Variants in CBLB observed in about 807,000 individuals in gnomAD.
CBLB encodes E3 ubiquitin-protein ligase CBL-B.
In CBLB, 31 loss-of-function variants were observed where a neutral mutation model predicts 104.9. The observed-to-expected ratio is 0.30, with a 90% CI of 0.22 to 0.40. CBLB has a LOEUF of 0.40. Among genes scored for constraint, CBLB ranks in the 10% least tolerant of loss-of-function variants. CBLB has a pLI of 1.00. For missense variants in CBLB, 1,062 were observed against 1,214.6 expected, an observed-to-expected ratio of 0.87 and a Z score of 1.87; for synonymous variants, 440 against 422.6, an observed-to-expected ratio of 1.04 and a Z score of -0.51.
Position 105,659,101 on chromosome 3 carries a change from T to C in CBLB, c.2818A>G (p.Met940Val), listed in dbSNP as rs2063530967. The C allele has an allele frequency of 1.2e-6, 2 of 1,613,936 alleles. No homozygotes were observed. Among genetic ancestry groups the C allele is most frequent in the Non-Finnish European group, 1.7e-6 (2 of 1,179,952 alleles). ...ENVDAKIAKL[M>V]GEGYAFEEVK... ...TCTTCAAAGGCATAACCCTCTCCCA[T>C]GAGTTTTGCAATTTTTGCATCGACA... is the stretch of plus-strand genomic sequence containing the variant. The change falls in exon 19 of 19, where the codon ATG becomes GTG. Residue 940 changes from methionine (M) to valine (V), a missense_variant. Transcript: ENST00000394030.
chr3:105,859,799 T>C (rs1055185224), intron 2 of CBLB, among the ~76,000 whole-genome samples: 7 of 152,000 alleles, frequency 4.6e-5, no homozygotes, highest in African/African-American at 1.4e-4. Flanking sequence ...TTGGGTTCTT[T>C]CCATTTTAAT....
intron 3 of CBLB, among the ~76,000 whole-genome samples, chr3:105,844,328 G>T (rs567750652): frequency 1.3e-5 from 2 of 152,182 alleles, no homozygotes; most frequent in South Asian, 4.1e-4. Context: ...CGTTACCGCA[G>T]CCCGAAGAAA....
intron 18 of CBLB, among the ~76,000 whole-genome samples, chr3:105,666,210 T>TA (rs2064439432): frequency 1.3e-5 from 2 of 152,102 alleles, no homozygotes; most frequent in African/African-American, 2.4e-5. Context: ...TCAAAACTCT[T>TA]AGACTACTGA....
intron 2 of CBLB, among the ~76,000 whole-genome samples, chr3:105,855,137 A>C (rs1458928611): frequency 1.3e-5 from 2 of 152,234 alleles, no homozygotes; most frequent in East Asian, 3.8e-4. Context: ...AACTGAAATA[A>C]GGCAGGCAAA....
At chr3:105,868,086 C>T in intron 1 of CBLB, 1 of 534,650 alleles carries the variant, frequency 1.9e-6, no homozygotes, top group Non-Finnish European at 3.0e-6. Context: ...TTATCCTACA[C>T]AAACGTAAGG....
intron 3 of CBLB, among the ~76,000 whole-genome samples, chr3:105,816,610 AG>A (rs1350943906): frequency 2.0e-5 from 3 of 152,234 alleles, no homozygotes; most frequent in African/African-American, 7.2e-5. Context: ...CAGTATTTTT[AG>A]AACTACAGGA....
chr3:105,659,406 GAAC>G (rs2063568079), intron 18 of CBLB, among the ~76,000 whole-genome samples, 177 bp from the exon 19 acceptor site: 1 of 151,700 alleles, frequency 6.6e-6, no homozygotes, highest in Non-Finnish European at 1.5e-5. Context: ...TCCTCATTTT[GAAC>G]AACAGAAAAT....
At chr3:105,812,060 T>C (rs1353791028) in intron 3 of CBLB, among the ~76,000 whole-genome samples, 4 of 152,070 alleles carry the variant, frequency 2.6e-5, no homozygotes, top group Non-Finnish European at 5.9e-5. Flanking sequence ...TCCCTTCTTG[T>C]TTGTTTGTTG....
intron 3 of CBLB, among the ~76,000 whole-genome samples, chr3:105,838,283 G>A (rs1458477332): frequency 1.9e-5 from 2 of 107,614 alleles, no homozygotes; most frequent in African/African-American, 7.1e-5. Flanking sequence ...TTTTTGTAGA[G>A]ATGGGGTCTC....
chr3:105,662,899 C>T (rs1319665891), intron 18 of CBLB, among the ~76,000 whole-genome samples: 1 of 152,160 alleles, frequency 6.6e-6, no homozygotes, highest in East Asian at 1.9e-4. Flanking sequence ...ACCATCAATA[C>T]TACAGTTACT....
At chr3:105,688,279 A>AG in intron 13 of CBLB, among the ~76,000 whole-genome samples, 1 of 152,008 alleles carries the variant, frequency 6.6e-6, no homozygotes, top group South Asian at 2.1e-4. Flanking sequence ...TGATGCTGTT[A>AG]TTACTGAGTT....
intron 3 of CBLB, among the ~76,000 whole-genome samples, chr3:105,823,875 T>C (rs1482316911): frequency 6.6e-6 from 1 of 152,064 alleles, no homozygotes; most frequent in Non-Finnish European, 1.5e-5. Flanking sequence ...TCTTATAATG[T>C]CTCCATCACT....
intron 3 of CBLB, among the ~76,000 whole-genome samples, chr3:105,795,966 C>T (rs945511806): frequency 6.6e-6 from 1 of 152,074 alleles, no homozygotes; most frequent in Admixed American, 6.5e-5. Flanking sequence ...TTGTGATCCA[C>T]CCACCTCGGC....
At chr3:105,715,344 G>GAGAGGGA (rs1173537569) in intron 10 of CBLB, among the ~76,000 whole-genome samples, 1 of 152,226 alleles carries the variant, frequency 6.6e-6, no homozygotes, top group African/African-American at 2.4e-5. Context: ...CTTTCTATCA[G>GAGAGGGA]AGAGGGAATC....
chr3:105,853,506 G>T lies in CBLB; in HGVS notation c.327C>A (p.Ile109=), dbSNP rs759054710. 6.2e-7 allele frequency: 1 copy of T among 1,613,264 alleles called. No homozygotes were observed. Among genetic ancestry groups the T allele is most frequent in the Non-Finnish European group, 8.5e-7 (1 of 1,179,438 alleles). ...ACTTTTTCATAAGGCTATCAATGTA[G>T]ATTTTAAAGTACTCATTCTCACTGA... ...AQLSENEYFK[I]YIDSLMKKSK... is the part of the protein sequence containing the mutation. The change falls in exon 3 of 19, where the codon ATC becomes ATA. Residue 109 remains isoleucine (I), a synonymous_variant. Transcript: ENST00000394030.
chr3:105,704,734 CAAGTT>C (rs1431364492), intron 10 of CBLB, among the ~76,000 whole-genome samples: 1 of 151,954 alleles, frequency 6.6e-6, no homozygotes, highest in African/African-American at 2.4e-5. Context: ...AAAAGATTCT[CAAGTT>C]AAACATTTTT....
At chr3:105,707,303 A>C (rs934924877) in intron 10 of CBLB, among the ~76,000 whole-genome samples, 5 of 152,204 alleles carry the variant, frequency 3.3e-5, no homozygotes, top group East Asian at 3.9e-4. Context: ...TTGAAGAATT[A>C]ATTCATTTAG....
At chr3:105,821,028 C>T (rs1392322942) in intron 3 of CBLB, among the ~76,000 whole-genome samples, 3 of 151,926 alleles carry the variant, frequency 2.0e-5, no homozygotes, top group Non-Finnish European at 4.4e-5. Flanking sequence ...TTGTGAGGTA[C>T]CATAAGAGAC....
At chr3:105,665,568 C>T (rs1200816373) in intron 18 of CBLB, among the ~76,000 whole-genome samples, 1 of 145,754 alleles carries the variant, frequency 6.9e-6, no homozygotes, top group African/African-American at 2.5e-5. Context: ...ATATCTATAC[C>T]ATATTATATA....
Sources: allele counts gnomAD v4.1 joint callset (sites outside exome capture counted in the v4.1 genomes callset), GRCh38; gene constraint gnomAD v4.1.1; transcripts MANE v1.5; gene names NCBI Gene and HGNC (gene_info 2026-07-23, HGNC 2026-07-21).